The following XKR4 variants were observed in gnomAD, a reference collection of about 807,000 sequenced individuals.
XKR4 encodes XK-related protein 4.
A neutral mutation model predicts 53.9 loss-of-function variants in XKR4; 12 were observed. The observed-to-expected ratio is 0.22, with a 90% CI of 0.14 to 0.36. The LOEUF (loss-of-function observed/expected upper bound fraction) is 0.36, where lower values mean the gene tolerates loss of function less well. Ranked by LOEUF, XKR4 falls within the 10% of genes least tolerant of loss-of-function variation. XKR4 has a pLI of 1.00. For synonymous variants in XKR4, 354 were observed against 362.4 expected (o/e 0.98, Z 0.26); for missense variants, 799 against 859.5 (o/e 0.93, Z 0.88).
chr8:55,109,514 G>C (rs1816204770), intron 1 of XKR4, among the ~76,000 whole-genome samples: 1 of 152,146 alleles, frequency 6.6e-6, no homozygotes, highest in Admixed American at 6.6e-5. Context: ...TGAGTTAGCT[G>C]ACAGGTATAA....
chr8:55,451,865 A>G, intron 2 of XKR4: 3 of 865,902 alleles, frequency 3.5e-6, no homozygotes, highest in Non-Finnish European at 3.8e-6. Context: ...AAGGCTGAGG[A>G]CGGGGTCAGT....
At chr8:55,230,039 T>C (rs1042619958) in intron 1 of XKR4, among the ~76,000 whole-genome samples, 1 of 152,106 alleles carries the variant, frequency 6.6e-6, no homozygotes, top group Non-Finnish European at 1.5e-5. Context: ...TCTATGTGGG[T>C]TGTGTTGCAA....
Position 55,530,206 on chromosome 8 carries a change from A to C in XKR4, c.*5979A>C, listed in dbSNP as rs1014973561. 1.3e-4 allele frequency: 17 copies of C among 131,408 alleles called. No homozygotes were observed. The highest frequency in any genetic ancestry group is 2.3e-4 in the Non-Finnish European group (14 of 59,968). 8.1% of individuals were successfully genotyped at this position (131,408 alleles called of 1,614,324 possible). A position where few individuals can be genotyped will look rare whatever the true frequency, so the allele number is the denominator to read the frequency against. On this transcript the variant is annotated 3_prime_UTR_variant, in exon 3 of 3. Coordinates refer to ENST00000327381, the MANE Select transcript of XKR4 (RefSeq NM_052898.2). ...AAGGAAGGAAGGAAGGAAGGAAGGA[A>C]GGAGATTTAACAAGTCTTTGAAGTG...
At chr8:55,212,957 T>C (rs1817749990) in intron 1 of XKR4, among the ~76,000 whole-genome samples, 1 of 152,206 alleles carries the variant, frequency 6.6e-6, no homozygotes. Flanking sequence ...AAAGGATTGA[T>C]TGCACACTGT....
intron 1 of XKR4, among the ~76,000 whole-genome samples, chr8:55,299,652 T>C (rs1363893332): frequency 1.3e-5 from 2 of 151,530 alleles, no homozygotes; most frequent in East Asian, 3.9e-4. Context: ...TTGGGATAAA[T>C]GTTGTAGAAA....
intron 2 of XKR4, among the ~76,000 whole-genome samples, chr8:55,463,198 A>G (rs1282403518): frequency 1.3e-5 from 2 of 152,324 alleles, no homozygotes; most frequent in East Asian, 3.9e-4. Context: ...CACCACACCT[A>G]TTCCAAAATT....
intron 2 of XKR4, among the ~76,000 whole-genome samples, chr8:55,365,582 C>T (rs560396962): frequency 1.3e-5 from 2 of 151,990 alleles, no homozygotes; most frequent in South Asian, 2.1e-4. Context: ...TGGCGCATGC[C>T]TGTAATCCCA....
intron 1 of XKR4, among the ~76,000 whole-genome samples, chr8:55,211,800 T>C (rs1253919008): frequency 2.0e-5 from 3 of 152,230 alleles, no homozygotes; most frequent in Non-Finnish European, 4.4e-5. Context: ...TTAAACTCTG[T>C]AAAATATTTG....
Position 55,523,560 on chromosome 8 carries a change from A to G in XKR4, c.1286A>G (p.Glu429Gly). The G allele has an allele frequency of 6.2e-7, 1 of 1,614,066 alleles. No homozygotes were observed. The highest frequency in any genetic ancestry group is 1.1e-5 in the South Asian group (1 of 91,070). Reference protein sequence around the residue: ...CETEFCITKWEEIVFDMVVGI... With the variant: ...CETEFCITKWGEIVFDMVVGI... ...ACAGAATTCTGTATCACCAAATGGG[A>G]AGAGATTGTGTTCGACATGGTGGTG... Residue 429 changes from glutamate to glycine, a missense_variant, in exon 3 of 3, where the codon GAA becomes GGA. This residue lies in a region of XKR4 where 54 missense variants were observed against 89.7 expected (regional missense o/e 0.60). Coordinates refer to ENST00000327381, the MANE Select transcript of XKR4 (RefSeq NM_052898.2).
At chr8:55,209,022 C>T (rs562982726) in intron 1 of XKR4, among the ~76,000 whole-genome samples, 10 of 151,996 alleles carry the variant, frequency 6.6e-5, no homozygotes, top group Admixed American at 4.6e-4. Context: ...GTCTTTTTTT[C>T]TCTCATGTTT....
At chr8:55,435,077 C>T (rs1805155202) in intron 2 of XKR4, among the ~76,000 whole-genome samples, 1 of 152,198 alleles carries the variant, frequency 6.6e-6, no homozygotes, top group Non-Finnish European at 1.5e-5. Context: ...ACAATGGAAA[C>T]AGAGGTCTTG....
At chr8:55,458,791 G>A (rs1805607680) in intron 2 of XKR4, among the ~76,000 whole-genome samples, 1 of 152,146 alleles carries the variant, frequency 6.6e-6, no homozygotes, top group South Asian at 2.1e-4. Flanking sequence ...CTCCTTTTCT[G>A]CTGCACTGCT....
At chr8:55,352,964 C>T (rs936128182) in intron 1 of XKR4, among the ~76,000 whole-genome samples, 2 of 152,152 alleles carry the variant, frequency 1.3e-5, no homozygotes, top group Non-Finnish European at 2.9e-5. Context: ...CCCAGTATAG[C>T]AAATGGGACA....
At chr8:55,459,235 G>A (rs1805613521) in intron 2 of XKR4, among the ~76,000 whole-genome samples, 1 of 150,744 alleles carries the variant, frequency 6.6e-6, no homozygotes, top group African/African-American at 2.4e-5. Flanking sequence ...GAAAAAAAAT[G>A]ATCATAAACC....
intron 1 of XKR4, among the ~76,000 whole-genome samples, chr8:55,193,171 G>T (rs528747416): frequency 1.3e-5 from 2 of 152,276 alleles, no homozygotes; most frequent in South Asian, 4.2e-4. Flanking sequence ...CCGTCGAACT[G>T]TGTGTTGCCT....
chr8:55,328,735 C>T (rs1380893169), intron 1 of XKR4, among the ~76,000 whole-genome samples: 4 of 152,184 alleles, frequency 2.6e-5, no homozygotes, highest in Non-Finnish European at 4.4e-5. Context: ...CCTCACTCAA[C>T]CCAGATTTAG....
intron 1 of XKR4, among the ~76,000 whole-genome samples, chr8:55,121,806 A>AC (rs1190203595): frequency 3.2e-4 from 1 of 3,108 alleles, no homozygotes; most frequent in Non-Finnish European, 6.4e-4. Flanking sequence ...TATGTTACAG[A>AC]AAAAAGGCAC....
intron 2 of XKR4, among the ~76,000 whole-genome samples, chr8:55,484,619 G>A (rs901754270): frequency 2.6e-5 from 4 of 152,186 alleles, no homozygotes; most frequent in Non-Finnish European, 5.9e-5. Flanking sequence ...GGACCACAGG[G>A]TGTGCAGTTA....
intron 2 of XKR4, among the ~76,000 whole-genome samples, chr8:55,447,327 T>G (rs1805361590): frequency 6.6e-6 from 1 of 152,152 alleles, no homozygotes; most frequent in African/African-American, 2.4e-5. Flanking sequence ...CCATGCATCA[T>G]TCCAAAGTTG....
Sources: gnomAD v4.1 joint callset for allele counts (sites outside exome capture counted in the v4.1 genomes callset) on GRCh38, gnomAD v4.1.1 for gene constraint, gnomAD v4.1.1 regional missense constraint, MANE v1.5 for transcripts, NCBI Gene and HGNC (gene_info 2026-07-23, HGNC 2026-07-21) for gene names.